The following COX7A2L variants were observed in gnomAD, a reference collection of about 807,000 sequenced individuals.
COX7A2L encodes the protein cytochrome c oxidase subunit 7A2-like, mitochondrial.
Under a neutral mutation model 14.2 loss-of-function variants are expected in COX7A2L, and 18 were observed. The observed-to-expected ratio is 1.27, with a 90% CI of 0.88 to 1.88. The LOEUF (loss-of-function observed/expected upper bound fraction) is 1.88, where lower values mean the gene tolerates loss of function less well. Among genes scored for constraint, COX7A2L ranks in the 40% most tolerant of loss-of-function variants. The probability of loss-of-function intolerance (pLI) is 0.00; values close to 1 mark genes in which losing one functional copy is unlikely to be tolerated. For synonymous variants in COX7A2L, 65 were observed against 57.4 expected, an observed-to-expected ratio of 1.13 and a Z score of -0.60; for missense variants, 179 against 138.8, an observed-to-expected ratio of 1.29 and a Z score of -1.46.
Position 42,360,928 on chromosome 2 carries a change from A to G in COX7A2L, c.72+162T>C. ...AGGTACACAAAAAGAAGCCTCAGTG[A>G]CCACCGTACGCTGGTGTGGAGAGGC... is the stretch of plus-strand genomic sequence containing the variant. On this transcript the variant is annotated intron_variant, in intron 1 of 2. Transcript: ENST00000234301. The G allele has an allele frequency of 1.3e-5, 9 of 709,832 alleles. No homozygotes were observed. In the South Asian group the frequency reaches 1.3e-4, roughly 10 times the overall value. The allele number at this position is 709,832 out of a possible 1,614,324, so 44.0% of individuals were successfully genotyped here.
At chr2:42,337,017 G>A (rs566930859) in intron 2 of COX7A2L, among the ~76,000 whole-genome samples, 2 of 152,296 alleles carry the variant, frequency 1.3e-5, no homozygotes, top group East Asian at 3.9e-4. Context: ...TTTAGAATTG[G>A]ATTAGAGCAA....
intron 1 of COX7A2L, among the ~76,000 whole-genome samples, chr2:42,355,137 A>T (rs1670776071): frequency 6.6e-6 from 1 of 152,234 alleles, no homozygotes; most frequent in South Asian, 2.1e-4. Context: ...CCATTTAAAG[A>T]GAAAGTTTGG....
intron 2 of COX7A2L, among the ~76,000 whole-genome samples, chr2:42,344,124 C>T (rs1260026328): frequency 6.6e-6 from 1 of 152,054 alleles, no homozygotes; most frequent in African/African-American, 2.4e-5. Context: ...AAGCTTAATA[C>T]GTAAAATTCT....
chr2:42,347,087 A>C (rs564205015), downstream of COX7A2L, among the ~76,000 whole-genome samples: 3 of 152,198 alleles, frequency 2.0e-5, no homozygotes, highest in African/African-American at 7.2e-5. Context: ...GCTGGTCTTG[A>C]ACTCCTAAGC....
At chr2:42,345,441 C>T, downstream of COX7A2L, among the ~76,000 whole-genome samples, 1 of 152,112 alleles carries the variant, frequency 6.6e-6, no homozygotes, top group Admixed American at 6.5e-5. Context: ...TAGCTGGCTC[C>T]TCCTTCAATT....
chr2:42,347,366 CT>C (rs1394652570), downstream of COX7A2L, among the ~76,000 whole-genome samples: 1 of 150,066 alleles, frequency 6.7e-6, no homozygotes, highest in Non-Finnish European at 1.5e-5. Flanking sequence ...GCACATCCCC[CT>C]CACCTCCTAA....
chr2:42,346,714 C>G (rs997590346), downstream of COX7A2L, among the ~76,000 whole-genome samples: 1 of 151,428 alleles, frequency 6.6e-6, no homozygotes, highest in Non-Finnish European at 1.5e-5. Context: ...GAGCCAGTAT[C>G]GAGCCACTGC....
intron 1 of COX7A2L, among the ~76,000 whole-genome samples, chr2:42,355,003 C>T (rs1670771726): frequency 6.6e-6 from 1 of 152,198 alleles, no homozygotes; most frequent in South Asian, 2.1e-4. Context: ...TGCCTTTGAT[C>T]AAATAGTGAA....
chr2:42,361,995 C>T (rs1572803624), upstream of COX7A2L: 1 of 152,212 alleles, frequency 6.6e-6, no homozygotes, highest in Non-Finnish European at 1.5e-5. Context: ...TGATCTAAAG[C>T]TCAGGTACCA....
At chr2:42,360,265 C>T (rs1194652613) in intron 1 of COX7A2L, among the ~76,000 whole-genome samples, 2 of 152,184 alleles carry the variant, frequency 1.3e-5, no homozygotes, top group East Asian at 3.9e-4. Flanking sequence ...CCTGCCCAAA[C>T]TGCTAGTCAC....
At chr2:42,365,628 G>C (rs757698211), upstream of COX7A2L, 2 of 147,930 alleles carry the variant, frequency 1.4e-5, no homozygotes, top group African/African-American at 5.0e-5. Context: ...ACTCCGTCCC[G>C]AAGAAAAAAA....
In COX7A2L at chr2:42,351,009, A is replaced by G. The variant is rs8162; in HGVS notation, c.*210T>C. ...GAGCACAAACACAGAGCAAAGCACC[A>G]TTTCTTTAAACAATGGCTTTAACTG... On this transcript the variant is annotated 3_prime_UTR_variant, in exon 3 of 3. Transcript: ENST00000234301. The G allele has an allele frequency of 0.45, 221,716 of 490,638 alleles. 52,420 individuals are homozygous for G. The highest frequency in any genetic ancestry group is 0.74 in the East Asian group (20,379 of 27,622). 30.4% of individuals were successfully genotyped at this position (490,638 alleles called of 1,614,324 possible). A position where few individuals can be genotyped will look rare whatever the true frequency, so the allele number is the denominator to read the frequency against.
intron 1 of COX7A2L, among the ~76,000 whole-genome samples, chr2:42,356,033 T>G (rs555007859): frequency 2.6e-5 from 4 of 151,852 alleles, no homozygotes; most frequent in East Asian, 1.9e-4. Flanking sequence ...GCCCATTCTG[T>G]TTTTTTTCCT....
At chr2:42,354,126 C>T (rs1670739568) in intron 1 of COX7A2L, among the ~76,000 whole-genome samples, 2 of 152,030 alleles carry the variant, frequency 1.3e-5, no homozygotes, top group Admixed American at 6.6e-5. Flanking sequence ...ACATAGGTAT[C>T]CATTTGAGGT....
intron 1 of COX7A2L, among the ~76,000 whole-genome samples, chr2:42,355,000 G>A (rs889581396): frequency 6.6e-6 from 1 of 152,160 alleles, no homozygotes; most frequent in African/African-American, 2.4e-5. Flanking sequence ...ACTTGCCTTT[G>A]ATCAAATAGT....
At chr2:42,360,931 A>C in intron 1 of COX7A2L, 159 bp downstream of exon 1, 1 of 722,076 alleles carries the variant, frequency 1.4e-6, no homozygotes, top group Non-Finnish European at 2.4e-6. Flanking sequence ...CTCAGTGACC[A>C]CCGTACGCTG....
upstream of COX7A2L, chr2:42,361,239 T>A (rs1375343843): frequency 1.4e-6 from 2 of 1,386,148 alleles, no homozygotes; most frequent in Non-Finnish European, 2.0e-6. Flanking sequence ...CCGGCTGTGG[T>A]CCCGAGACTC....
rs1255226627 is a variant in COX7A2L, at chr2:42,342,426, C to A, written c.193-8557G>T. Among the ~76,000 whole-genome samples the A allele has an allele frequency of 6.6e-6, 1 of 152,138 alleles. No homozygotes were observed. Among genetic ancestry groups the A allele is most frequent in the Non-Finnish European group, 1.5e-5 (1 of 68,010 alleles). Reference sequence around the variant, plus strand: ...AGGCAGGCACCAGGTACGGCCCACACAGACTCAGCCTCTCCTTCCCTGCCT... The same window carrying A: ...AGGCAGGCACCAGGTACGGCCCACAAAGACTCAGCCTCTCCTTCCCTGCCT... On this transcript the variant is annotated intron_variant, in intron 2 of 2. Transcript: ENST00000468711. The surrounding 1 kb of genome is among the most constrained non-coding windows in gnomAD (Gnocchi z 4.9).
At chr2:42,346,112 G>A (rs990516480), downstream of COX7A2L, among the ~76,000 whole-genome samples, 1 of 152,164 alleles carries the variant, frequency 6.6e-6, no homozygotes, top group African/African-American at 2.4e-5. Flanking sequence ...CCAAACAGCT[G>A]ACTGGCCCAG....
Sources: gnomAD v4.1 joint callset for allele counts (sites outside exome capture counted in the v4.1 genomes callset) on GRCh38, gnomAD v4.1.1 for gene constraint, Gnocchi (gnomAD v3.1) non-coding constraint, MANE v1.5 for transcripts, NCBI Gene and HGNC (gene_info 2026-07-23, HGNC 2026-07-21) for gene names.